CSMD1: variants seen among roughly 807,000 people sequenced by gnomAD.
The protein encoded by CSMD1 is CUB and Sushi multiple domains 1, also known as CUB and sushi domain-containing protein 1.
In CSMD1, 213 loss-of-function variants were observed where a neutral mutation model predicts 417.5. The ratio of observed to expected loss-of-function variants is 0.51; its 90% CI spans 0.46 to 0.57. CSMD1 has a LOEUF of 0.57. Ranked by LOEUF, CSMD1 falls within the 20% of genes least tolerant of loss-of-function variation. The pLI, the probability that CSMD1 is intolerant of heterozygous loss-of-function variation, is 0.00. For missense variants in CSMD1, 6,923 were observed against 4,529.7 expected, an observed-to-expected ratio of 1.53 and a Z score of -15.17; for synonymous variants, 2,862 against 1,736.8, an observed-to-expected ratio of 1.65 and a Z score of -16.11.
At chr8:3,826,733 G>C (rs1490740383) in intron 5 of CSMD1, among the ~76,000 whole-genome samples, 3 of 152,084 alleles carry the variant, frequency 2.0e-5, no homozygotes, top group Admixed American at 6.6e-5. Flanking sequence ...AGTTTGTACT[G>C]AATATCCCTA....
At chr8:4,325,616 A>C (rs1008793759) in intron 3 of CSMD1, among the ~76,000 whole-genome samples, 1 of 152,208 alleles carries the variant, frequency 6.6e-6, no homozygotes, top group Non-Finnish European at 1.5e-5. Context: ...ACATGAAAGC[A>C]TCTGAAGATT....
chr8:2,937,932 C>T lies in CSMD1; in HGVS notation c.*653G>A, dbSNP rs1461035612. On this transcript the variant is annotated 3_prime_UTR_variant, in exon 70 of 70. Transcript: ENST00000635120. The stretch of plus-strand genomic sequence containing the variant: ...CTTAGTCATTCATAACACACTAGTG[C>T]AAAAAATTGTGCATTAAACATTCTG... 6.6e-6 allele frequency: 1 copy of T among 152,476 alleles called. No homozygotes were observed. Among genetic ancestry groups the T allele is most frequent in the African/African-American group, 2.4e-5 (1 of 41,402 alleles). 9.4% of individuals were successfully genotyped at this position (152,476 alleles called of 1,614,324 possible). A position where few individuals can be genotyped will look rare whatever the true frequency, so the allele number is the denominator to read the frequency against.
chr8:4,286,569 A>G (rs1287357040), intron 3 of CSMD1, among the ~76,000 whole-genome samples: 2 of 152,086 alleles, frequency 1.3e-5, no homozygotes, highest in African/African-American at 4.8e-5. Flanking sequence ...TCACGAGGAC[A>G]CCCAAAACCA....
chr8:3,110,120 C>A (rs570694992), intron 43 of CSMD1, 38 bp downstream of exon 43: 1 of 1,513,168 alleles, frequency 6.6e-7, no homozygotes. Context: ...AATTGTTGAT[C>A]ACAATTACAG....
chr8:3,731,759 C>G (rs6558814), intron 6 of CSMD1, among the ~76,000 whole-genome samples: 29,453 of 151,932 alleles, frequency 0.19, 3,003 homozygotes, highest in African/African-American at 0.26. Context: ...ATGAGCAATA[C>G]CAATATTAAT....
chr8:4,215,851 A>T (rs914774330), intron 3 of CSMD1, among the ~76,000 whole-genome samples: 2 of 152,342 alleles, frequency 1.3e-5, no homozygotes, highest in East Asian at 1.9e-4. Context: ...GGCAGGGTTT[A>T]TGTGATTAAT....
chr8:4,425,848 C>G (rs910510554), intron 2 of CSMD1, among the ~76,000 whole-genome samples: 1 of 151,982 alleles, frequency 6.6e-6, no homozygotes, highest in Non-Finnish European at 1.5e-5. Flanking sequence ...TTAGTATATG[C>G]AACGTTACTG....
chr8:4,334,630 A>G (rs549178943), intron 3 of CSMD1, among the ~76,000 whole-genome samples: 1 of 152,156 alleles, frequency 6.6e-6, no homozygotes, highest in South Asian at 2.1e-4. Context: ...AATGCTGACT[A>G]ATACATAGCT....
chr8:4,269,426 G>T (rs1044165503), intron 3 of CSMD1, among the ~76,000 whole-genome samples: 1 of 152,218 alleles, frequency 6.6e-6, no homozygotes, highest in African/African-American at 2.4e-5. Context: ...TTTTGATATT[G>T]AGAATTTTCT....
chr8:4,547,629 A>G (rs1797692546), intron 2 of CSMD1, among the ~76,000 whole-genome samples: 1 of 152,186 alleles, frequency 6.6e-6, no homozygotes, highest in African/African-American at 2.4e-5. Flanking sequence ...AATTAAAAAG[A>G]CTTAAACATT....
At chr8:3,541,441 GA>G (rs1486955361) in intron 10 of CSMD1, among the ~76,000 whole-genome samples, 1 of 152,010 alleles carries the variant, frequency 6.6e-6, no homozygotes, top group South Asian at 2.1e-4. Flanking sequence ...ATACCTAGGT[GA>G]TGGGTTGATA....
chr8:3,097,131 A>G, intron 46 of CSMD1, 94 bp from the exon 47 acceptor site: 6 of 1,042,424 alleles, frequency 5.8e-6, no homozygotes, highest in Non-Finnish European at 8.1e-6. Flanking sequence ...AGTCAATGAA[A>G]GGAAAAAGCA....
intron 3 of CSMD1, among the ~76,000 whole-genome samples, chr8:4,337,716 G>C (rs541439162): frequency 6.6e-6 from 1 of 152,120 alleles, no homozygotes; most frequent in Non-Finnish European, 1.5e-5. Context: ...GTACACTCAA[G>C]TATTTGCCAT....
intron 26 of CSMD1, among the ~76,000 whole-genome samples, chr8:3,266,831 A>G (rs1801466167): frequency 6.6e-6 from 1 of 151,484 alleles, no homozygotes; most frequent in African/African-American, 2.4e-5. Flanking sequence ...GTTGAGGTGC[A>G]TGGTATTTAT....
chr8:3,639,492 G>C (rs1169914988), intron 7 of CSMD1, among the ~76,000 whole-genome samples: 4 of 152,126 alleles, frequency 2.6e-5, no homozygotes, highest in African/African-American at 9.7e-5. Flanking sequence ...AATAAGGACA[G>C]AGCACTAAAT....
At chr8:3,827,951 T>G (rs1802149700) in intron 5 of CSMD1, among the ~76,000 whole-genome samples, 1 of 152,208 alleles carries the variant, frequency 6.6e-6, no homozygotes, top group Non-Finnish European at 1.5e-5. Flanking sequence ...GTATCTATCC[T>G]GACATTGCTA....
At chr8:3,842,848 G>C (rs1201644985) in intron 5 of CSMD1, among the ~76,000 whole-genome samples, 2 of 151,928 alleles carry the variant, frequency 1.3e-5, no homozygotes, top group Non-Finnish European at 2.9e-5. Context: ...ACAATAAATG[G>C]GAATATAGGA....
At chr8:3,825,531 C>T (rs1216801840) in intron 5 of CSMD1, among the ~76,000 whole-genome samples, 1 of 152,032 alleles carries the variant, frequency 6.6e-6, no homozygotes, top group Non-Finnish European at 1.5e-5. Flanking sequence ...CAATGGGATG[C>T]AGGGGCAGGT....
At chr8:3,788,722 G>C (rs745628434) in intron 5 of CSMD1, among the ~76,000 whole-genome samples, 1 of 152,172 alleles carries the variant, frequency 6.6e-6, no homozygotes, top group Non-Finnish European at 1.5e-5. Flanking sequence ...GCCATTCAGA[G>C]ATTAGAAAGC....
Sources: gnomAD v4.1 joint callset for allele counts (sites outside exome capture counted in the v4.1 genomes callset) on GRCh38, gnomAD v4.1.1 for gene constraint, MANE v1.5 for transcripts, NCBI Gene and HGNC (gene_info 2026-07-23, HGNC 2026-07-21) for gene names.